ETNK1: variants seen among roughly 807,000 people sequenced by gnomAD.
ETNK1 encodes the protein ethanolamine kinase 1, also known as putative protein product of Nbla10396.
Under a neutral mutation model 45.1 loss-of-function variants are expected in ETNK1, and 8 were observed. That is an observed-to-expected ratio of 0.18 (90% CI 0.10 to 0.32). ETNK1 has a LOEUF of 0.32. Among genes scored for constraint, ETNK1 ranks in the 10% least tolerant of loss-of-function variants. The pLI is 1.00. For synonymous variants in ETNK1, 152 were observed against 151.9 expected (o/e 1.00, Z -0.01); for missense variants, 302 against 430.6 (o/e 0.70, Z 2.64).
chr12:22,671,449 A>T, intron 5 of ETNK1, 94 bp downstream of exon 5: 5 of 832,502 alleles, frequency 6.0e-6, no homozygotes, highest in Non-Finnish European at 9.9e-6. Flanking sequence ...AGCAGGGGGA[A>T]CATTTTCCCA....
chr12:22,676,051 G>A (rs59107742), intron 6 of ETNK1, among the ~76,000 whole-genome samples: 7,099 of 152,142 alleles, frequency 0.047, 540 homozygotes, highest in African/African-American at 0.16. Context: ...GGGTACATGT[G>A]CAGAACCTGC....
chr12:22,656,901 C>A, intron 2 of ETNK1: 6 of 732,040 alleles, frequency 8.2e-6, no homozygotes, highest in Non-Finnish European at 1.0e-5. Flanking sequence ...CATAGATTGC[C>A]CCTTGTGTTT....
intron 5 of ETNK1, 66 bp from the exon 6 acceptor site, chr12:22,673,434 A>AT: frequency 1.6e-6 from 2 of 1,265,004 alleles, no homozygotes; most frequent in South Asian, 3.6e-5. Flanking sequence ...GGTTTTAGGG[A>AT]TTATTAAGGT....
chr12:22,665,146 C>T (rs1011279601), intron 4 of ETNK1, among the ~76,000 whole-genome samples: 1 of 152,050 alleles, frequency 6.6e-6, no homozygotes, highest in African/African-American at 2.4e-5. Context: ...TAGATCCCTA[C>T]CCAGTTACTT....
chr12:22,633,519 G>A lies in ETNK1; in HGVS notation c.156+7933G>A, dbSNP rs551972025. On this transcript the variant is annotated intron_variant, in intron 1 of 7. Coordinates refer to ENST00000266517, the MANE Select transcript of ETNK1 (RefSeq NM_018638.5). ...AGCTTTGTTCGTTTTTAAGATTGCC[G>A]TGACTATTCTTGACTTTTTAAGTTG... Among the ~76,000 whole-genome samples, 7 of 152,252 alleles carry A rather than the reference G, an allele frequency of 4.6e-5. No homozygotes were observed. The South Asian group carries it at 6.2e-4, about 14-fold the overall frequency.
intron 2 of ETNK1, among the ~76,000 whole-genome samples, chr12:22,658,434 G>A (rs1953965775): frequency 6.6e-6 from 1 of 152,164 alleles, no homozygotes; most frequent in Admixed American, 6.5e-5. Context: ...TGAATTCAAA[G>A]GTGCAAACAT....
intron 7 of ETNK1, 25 bp downstream of exon 7, chr12:22,684,581 T>C: frequency 7.2e-7 from 1 of 1,390,424 alleles, no homozygotes; most frequent in Non-Finnish European, 1.0e-6. Context: ...ATTATATGAT[T>C]ACATTGGTCT....
intron 2 of ETNK1, among the ~76,000 whole-genome samples, chr12:22,650,584 A>C (rs1335212491): frequency 6.6e-6 from 1 of 152,078 alleles, no homozygotes; most frequent in Non-Finnish European, 1.5e-5. Flanking sequence ...TACATTAATG[A>C]ATTTTCAAAT....
intron 4 of ETNK1, among the ~76,000 whole-genome samples, chr12:22,669,799 G>A (rs921732985): frequency 1.4e-5 from 2 of 147,956 alleles, no homozygotes; most frequent in African/African-American, 2.5e-5. Flanking sequence ...GCAAGACCCC[G>A]TCTCTACAAA....
At chr12:22,631,808 A>G (rs1565861440) in intron 1 of ETNK1, among the ~76,000 whole-genome samples, 1 of 152,132 alleles carries the variant, frequency 6.6e-6, no homozygotes, top group Non-Finnish European at 1.5e-5. Flanking sequence ...GACCTTTAAG[A>G]AATCAGAGGT....
intron 4 of ETNK1, among the ~76,000 whole-genome samples, chr12:22,661,697 T>C (rs1954000614): frequency 6.6e-6 from 1 of 152,198 alleles, no homozygotes; most frequent in Non-Finnish European, 1.5e-5. Flanking sequence ...ATTTTGATAC[T>C]AAGGAGAGAG....
At chr12:22,628,846 T>C (rs1036516912) in intron 1 of ETNK1, among the ~76,000 whole-genome samples, 1 of 152,144 alleles carries the variant, frequency 6.6e-6, no homozygotes, top group Non-Finnish European at 1.5e-5. Flanking sequence ...AAAACTAATA[T>C]ATTTATTCCT....
intron 1 of ETNK1, among the ~76,000 whole-genome samples, chr12:22,636,339 A>G (rs1379767585): frequency 6.6e-6 from 1 of 152,202 alleles, no homozygotes; most frequent in Non-Finnish European, 1.5e-5. Context: ...TAAAAAAATT[A>G]AAAATGAGGT....
At chr12:22,634,422 A>G (rs568716954) in intron 1 of ETNK1, among the ~76,000 whole-genome samples, 26 of 152,256 alleles carry the variant, frequency 1.7e-4, no homozygotes, top group Non-Finnish European at 3.1e-4. Context: ...GTCCTTGACA[A>G]GTTTTGGTAC....
chr12:22,674,812 T>G (rs893782688), intron 6 of ETNK1, among the ~76,000 whole-genome samples: 2 of 152,206 alleles, frequency 1.3e-5, no homozygotes, highest in African/African-American at 4.8e-5. Context: ...TTAAGATTTT[T>G]GGGGGATACT....
At chr12:22,658,915 T>C in intron 2 of ETNK1, 99 bp from the exon 3 acceptor site, 2 of 1,256,336 alleles carry the variant, frequency 1.6e-6, no homozygotes, top group Non-Finnish European at 2.2e-6. Flanking sequence ...TACAAGAAGA[T>C]TCGGGAGACT....
rs1954291774 is a variant in ETNK1 at position 22,690,170 on chromosome 12, GT to G, written c.*5217del. Reference sequence around the variant, plus strand: ...AACCATAGTAGTATAATGCTGCTTTGTATATAATGTAAGTGCTACAAATAGT... The same window carrying G: ...AACCATAGTAGTATAATGCTGCTTTGATATAATGTAAGTGCTACAAATAGT... On this transcript the variant is annotated 3_prime_UTR_variant, in exon 8 of 8. Transcript: ENST00000266517. 1 of 152,446 alleles carries G rather than the reference GT, an allele frequency of 6.6e-6. No individual in the cohort carries two copies. The highest frequency in any genetic ancestry group is 1.5e-5 in the Non-Finnish European group (1 of 67,908). 9.4% of individuals were successfully genotyped at this position (152,446 alleles called of 1,614,324 possible). A position where few individuals can be genotyped will look rare whatever the true frequency, so the allele number is the denominator to read the frequency against.
chr12:22,625,721 C>T (rs1953484842), intron 1 of ETNK1, 135 bp downstream of exon 1: 3 of 1,276,108 alleles, frequency 2.4e-6, no homozygotes, highest in Non-Finnish European at 3.3e-6. Flanking sequence ...TGGGAAGTGA[C>T]CCTGTATTTC....
At chr12:22,652,552 T>C (rs915233619) in intron 2 of ETNK1, among the ~76,000 whole-genome samples, 4 of 152,200 alleles carry the variant, frequency 2.6e-5, no homozygotes, top group Admixed American at 2.0e-4. Context: ...CTAATGGATA[T>C]GAGGTGGTAT....
Sources: gnomAD v4.1 joint callset for allele counts (sites outside exome capture counted in the v4.1 genomes callset) on GRCh38, gnomAD v4.1.1 for gene constraint, MANE v1.5 for transcripts, NCBI Gene and HGNC (gene_info 2026-07-23, HGNC 2026-07-21) for gene names.